The following ZNF407 variants were observed in gnomAD, a reference collection of about 807,000 sequenced individuals.
The protein encoded by ZNF407 is zinc finger protein 407.
A neutral mutation model predicts 131.2 loss-of-function variants in ZNF407; 17 were observed. The ratio of observed to expected loss-of-function variants is 0.13; its 90% CI spans 0.09 to 0.19. The LOEUF is 0.19. Among genes scored for constraint, ZNF407 ranks in the 10% least tolerant of loss-of-function variants. The probability of loss-of-function intolerance (pLI) is 1.00; values close to 1 mark genes in which losing one functional copy is unlikely to be tolerated. For synonymous variants in ZNF407, 1,156 were observed against 1,062.0 expected, an observed-to-expected ratio of 1.09 and a Z score of -1.72; for missense variants, 2,681 against 2,830.6, an observed-to-expected ratio of 0.95 and a Z score of 1.20.
At chr18:74,928,018 T>G (rs190813887) in intron 8 of ZNF407, among the ~76,000 whole-genome samples, 1 of 152,298 alleles carries the variant, frequency 6.6e-6, no homozygotes, top group African/African-American at 2.4e-5. Flanking sequence ...GTTGGATGTT[T>G]AAAGATGTTT....
At chr18:74,828,271 C>G (rs1019115066) in intron 4 of ZNF407, among the ~76,000 whole-genome samples, 21 of 152,266 alleles carry the variant, frequency 1.4e-4, no homozygotes, top group Non-Finnish European at 2.1e-4. Flanking sequence ...ACATTTCCCC[C>G]GGAGATACCT....
At chr18:74,830,155 G>A (rs1337862484) in intron 4 of ZNF407, among the ~76,000 whole-genome samples, 1 of 152,156 alleles carries the variant, frequency 6.6e-6, no homozygotes, top group African/African-American at 2.4e-5. Context: ...CTTGGTTTTG[G>A]ACTTCCAGCC....
intron 8 of ZNF407, among the ~76,000 whole-genome samples, chr18:75,010,856 CA>C (rs1029574778): frequency 4.6e-5 from 7 of 152,084 alleles, no homozygotes; most frequent in Non-Finnish European, 1.5e-5. Flanking sequence ...ATTTGAAGAG[CA>C]AACAACACTT....
intron 3 of ZNF407, among the ~76,000 whole-genome samples, chr18:74,749,762 A>G (rs564214908): frequency 6.6e-6 from 1 of 152,314 alleles, no homozygotes; most frequent in South Asian, 2.1e-4. Context: ...TGAAAGTACA[A>G]CAGTAGGTCA....
chr18:75,064,472 G>A lies in ZNF407; in HGVS notation c.*4G>A, dbSNP rs774694895. 54 of 1,474,820 alleles carry A rather than the reference G, an allele frequency of 3.7e-5. No homozygotes were observed. Among genetic ancestry groups the A allele is most frequent in the East Asian group, 3.0e-4 (12 of 40,336 alleles). The allele number at this position is 1,474,820 out of a possible 1,614,324, so 91.4% of individuals were successfully genotyped here. A position where few individuals can be genotyped will look rare whatever the true frequency, so the allele number is the denominator to read the frequency against. On this transcript the variant is annotated 3_prime_UTR_variant, in exon 9 of 9. Coordinates refer to ENST00000299687, the MANE Select transcript of ZNF407 (RefSeq NM_017757.3). The stretch of plus-strand genomic sequence containing the variant: ...CAGCGAACTCCAGGAAGCATGAGAC[G>A]CGCGGCACCTTTACTCAGCACAGGG...
chr18:74,941,479 G>A (rs973588573), intron 8 of ZNF407, among the ~76,000 whole-genome samples: 1 of 152,144 alleles, frequency 6.6e-6, no homozygotes, highest in East Asian at 1.9e-4. Flanking sequence ...TTAATTGAGG[G>A]ATCATGATAT....
At chr18:74,926,648 CAAA>C (rs763694818) in intron 8 of ZNF407, among the ~76,000 whole-genome samples, 3 of 151,992 alleles carry the variant, frequency 2.0e-5, no homozygotes, top group African/African-American at 7.2e-5. Flanking sequence ...ACTAAAAATA[CAAA>C]AATTAGCTGG....
Position 74,996,104 on chromosome 18 carries a change from A to G in ZNF407, c.5429-67046A>G, listed in dbSNP as rs1444269032. On this transcript the variant is annotated intron_variant, in intron 8 of 8. Transcript: ENST00000299687. ...AATAGTGTTCAGTATTGAAATGTTT[A>G]CAAATTGAATAGTAGGATTTTATGT... Among the ~76,000 whole-genome samples, 3 of 152,366 alleles carry G rather than the reference A, an allele frequency of 2.0e-5. No homozygotes were observed. The East Asian group carries it at 5.8e-4, about 29-fold the overall frequency.
chr18:74,656,047 CAAAT>C (rs1437147576), intron 3 of ZNF407, among the ~76,000 whole-genome samples: 16 of 151,858 alleles, frequency 1.1e-4, no homozygotes, highest in Admixed American at 6.6e-5. Flanking sequence ...TTCTTGAAGA[CAAAT>C]GAATTACTTT....
chr18:75,055,296 C>T (rs761806137), intron 8 of ZNF407, among the ~76,000 whole-genome samples: 2 of 152,318 alleles, frequency 1.3e-5, no homozygotes, highest in Non-Finnish European at 2.9e-5. Flanking sequence ...CTCAATGACA[C>T]TGTTTCTGTC....
intron 3 of ZNF407, among the ~76,000 whole-genome samples, chr18:74,753,763 T>A (rs996911735): frequency 6.6e-6 from 1 of 152,246 alleles, no homozygotes; most frequent in African/African-American, 2.4e-5. Context: ...GCCAGTATTT[T>A]ATTGAGGATT....
chr18:74,697,476 C>G (rs1164950040), intron 3 of ZNF407, among the ~76,000 whole-genome samples: 1 of 152,072 alleles, frequency 6.6e-6, no homozygotes, highest in East Asian at 1.9e-4. Flanking sequence ...GTTTTCCAGG[C>G]ATTGTCTCTG....
intron 8 of ZNF407, among the ~76,000 whole-genome samples, chr18:75,017,206 T>C (rs1477426489): frequency 6.6e-6 from 1 of 152,140 alleles, no homozygotes; most frequent in Non-Finnish European, 1.5e-5. Context: ...ATAACAAGTA[T>C]TTGTAAAGGT....
At position 74,634,781 on chromosome 18, in the gene ZNF407, C is replaced by T. The variant is rs745406823; in HGVS notation, c.3762C>T (p.Leu1254=). 34 of 1,613,848 alleles carry T rather than the reference C, an allele frequency of 2.1e-5. No homozygotes were observed. The highest frequency in any genetic ancestry group is 6.7e-5 in the East Asian group (3 of 44,896). The change falls in exon 2 of 9, where the codon CTC becomes CTT. Residue 1254 remains leucine, a synonymous_variant. Coordinates refer to ENST00000299687, the MANE Select transcript of ZNF407 (RefSeq NM_017757.3). ...VPHRHLCPVT[L]DGERSAESPV... The stretch of plus-strand genomic sequence containing the variant: ...ACAGACACCTGTGCCCTGTGACGCT[C>T]GATGGGGAGCGCTCGGCTGAAAGCC...
At chr18:74,887,600 T>C (rs971383498) in intron 6 of ZNF407, among the ~76,000 whole-genome samples, 1 of 152,192 alleles carries the variant, frequency 6.6e-6, no homozygotes, top group Non-Finnish European at 1.5e-5. Context: ...TTATGAGCTC[T>C]TGATGAGAAG....
chr18:75,035,671 C>A (rs1973299965), intron 8 of ZNF407, among the ~76,000 whole-genome samples: 1 of 152,224 alleles, frequency 6.6e-6, no homozygotes, highest in Non-Finnish European at 1.5e-5. Flanking sequence ...ATACGTCCTG[C>A]AGCTAGAAGA....
chr18:74,972,433 C>G (rs746537200), intron 8 of ZNF407, among the ~76,000 whole-genome samples: 2 of 152,192 alleles, frequency 1.3e-5, no homozygotes, highest in Non-Finnish European at 2.9e-5. Flanking sequence ...CCTCAGCTTC[C>G]TGTCTCCTTT....
intron 3 of ZNF407, among the ~76,000 whole-genome samples, chr18:74,689,933 G>A (rs1305791632): frequency 2.0e-5 from 3 of 152,166 alleles, no homozygotes; most frequent in African/African-American, 7.2e-5. Context: ...AGATGTCATT[G>A]TGAGGACACT....
chr18:74,667,858 T>C (rs1985992418), intron 3 of ZNF407, among the ~76,000 whole-genome samples: 1 of 152,252 alleles, frequency 6.6e-6, no homozygotes, highest in African/African-American at 2.4e-5. Context: ...GGAGTTACTT[T>C]GTTTTTGATA....
Sources: gnomAD v4.1 joint callset for allele counts (sites outside exome capture counted in the v4.1 genomes callset) on GRCh38, gnomAD v4.1.1 for gene constraint, MANE v1.5 for transcripts, NCBI Gene and HGNC (gene_info 2026-07-23, HGNC 2026-07-21) for gene names.